Variants in SLC2A13 observed in about 807,000 individuals in gnomAD.
SLC2A13 encodes proton myo-inositol cotransporter.
Under a neutral mutation model 64.4 loss-of-function variants are expected in SLC2A13, and 32 were observed. That is an observed-to-expected ratio of 0.50 (90% CI 0.37 to 0.67). SLC2A13 has a LOEUF of 0.67. Among genes scored for constraint, SLC2A13 ranks in the 30% least tolerant of loss-of-function variants. The pLI is 0.00. For missense variants in SLC2A13, 743 were observed against 829.2 expected, an observed-to-expected ratio of 0.90 and a Z score of 1.28; for synonymous variants, 338 against 327.1, an observed-to-expected ratio of 1.03 and a Z score of -0.36.
chr12:39,804,988 G>A (rs1941921930), intron 7 of SLC2A13, among the ~76,000 whole-genome samples: 1 of 152,250 alleles, frequency 6.6e-6, no homozygotes, highest in Non-Finnish European at 1.5e-5. Flanking sequence ...GCCACAGTCT[G>A]AGGGAGAAGA....
intron 3 of SLC2A13, among the ~76,000 whole-genome samples, chr12:40,014,457 G>A (rs1476475596): frequency 6.6e-6 from 1 of 152,020 alleles, no homozygotes; most frequent in African/African-American, 2.4e-5. Flanking sequence ...TCAAAATTAA[G>A]TGTTGGACTA....
At chr12:40,060,356 A>G (rs1179047003) in intron 1 of SLC2A13, among the ~76,000 whole-genome samples, 1 of 152,184 alleles carries the variant, frequency 6.6e-6, no homozygotes, top group African/African-American at 2.4e-5. Flanking sequence ...TTGTCATGGC[A>G]AGTTGTAAAG....
intron 7 of SLC2A13, among the ~76,000 whole-genome samples, chr12:39,783,233 G>A (rs750198725): frequency 7.9e-5 from 12 of 152,168 alleles, no homozygotes; most frequent in Non-Finnish European, 1.8e-4. Context: ...GTATTCCATG[G>A]TGTATATGTG....
intron 3 of SLC2A13, among the ~76,000 whole-genome samples, chr12:39,971,368 T>C (rs28370719): frequency 6.6e-6 from 1 of 152,220 alleles, no homozygotes. Context: ...TTAAAAATAT[T>C]TCCTTTAGAT....
intron 7 of SLC2A13, among the ~76,000 whole-genome samples, chr12:39,798,662 C>T (rs1055656622): frequency 3.3e-5 from 5 of 152,156 alleles, no homozygotes; most frequent in Admixed American, 1.3e-4. Context: ...TGGAACAGCC[C>T]GGGCTAGTGC....
rs543231070 is a variant in SLC2A13, at chr12:39,939,303, T to C, written c.1034+11954A>G. 3.9e-5 allele frequency among the ~76,000 whole-genome samples: 6 copies of C among 152,228 alleles called. No homozygotes were observed. In the South Asian group the frequency reaches 1.2e-3, roughly 32 times the overall value. ...GGTATGCAATATATACACAGGGAAATGGAAAATGATTAGAAACATTCTGAT... is the reference window on the plus strand; with the variant it reads ...GGTATGCAATATATACACAGGGAAACGGAAAATGATTAGAAACATTCTGAT... On this transcript the variant is annotated intron_variant, in intron 4 of 9. Transcript: ENST00000280871.
chr12:39,856,367 A>ATTTCT (rs1943607699), intron 6 of SLC2A13, among the ~76,000 whole-genome samples: 4 of 151,972 alleles, frequency 2.6e-5, no homozygotes, highest in African/African-American at 9.7e-5. Context: ...GCTTTATTTT[A>ATTTCT]TTTATTTTAT....
At chr12:39,762,006 A>ATTCT (rs966557887) in intron 9 of SLC2A13, among the ~76,000 whole-genome samples, 37 of 152,230 alleles carry the variant, frequency 2.4e-4, no homozygotes, top group African/African-American at 7.0e-4. Context: ...TTGATTACAG[A>ATTCT]TTCTTTCTTG....
chr12:39,951,394 T>A (rs375851499), intron 3 of SLC2A13, 29 bp from the exon 4 acceptor site: 3 of 1,123,554 alleles, frequency 2.7e-6, no homozygotes, highest in East Asian at 2.6e-5. Context: ...AAAAAAAAAA[T>A]ACAACTATTA....
intron 1 of SLC2A13, among the ~76,000 whole-genome samples, chr12:40,067,715 T>G (rs1230541321): frequency 6.6e-6 from 1 of 152,132 alleles, no homozygotes; most frequent in Non-Finnish European, 1.5e-5. Flanking sequence ...AATTACTAAT[T>G]TATTACACAT....
At chr12:39,821,959 T>A (rs994153745) in intron 7 of SLC2A13, among the ~76,000 whole-genome samples, 1 of 152,166 alleles carries the variant, frequency 6.6e-6, no homozygotes, top group African/African-American at 2.4e-5. Flanking sequence ...AGGGTACATG[T>A]GCACAATGTG....
chr12:39,912,618 T>G (rs1945449613), intron 4 of SLC2A13, among the ~76,000 whole-genome samples: 1 of 152,016 alleles, frequency 6.6e-6, no homozygotes, highest in Admixed American at 6.6e-5. Context: ...TTTCTCTGAG[T>G]TGCCTAGTAA....
At position 39,895,829 on chromosome 12, in the gene SLC2A13, C is replaced by G. The variant is rs571328423; in HGVS notation, c.1035-23868G>C. On this transcript the variant is annotated intron_variant, in intron 4 of 9. Transcript: ENST00000280871. ...GTGTATACGTACACACATGTATATGCGTGTATATGCACACACATATGTATA... is the reference window on the plus strand; with the variant it reads ...GTGTATACGTACACACATGTATATGGGTGTATATGCACACACATATGTATA... Among the ~76,000 whole-genome samples the G allele has an allele frequency of 6.0e-4, 58 of 96,008 alleles. 15 individuals carry two copies. Among genetic ancestry groups the G allele is most frequent in the African/African-American group, 2.4e-3 (57 of 23,722 alleles). The allele number at this position is 96,008 out of a possible 152,430, so 63.0% of individuals were successfully genotyped here.
intron 1 of SLC2A13, among the ~76,000 whole-genome samples, chr12:40,088,967 C>T (rs993575926): frequency 6.6e-6 from 1 of 152,120 alleles, no homozygotes; most frequent in Non-Finnish European, 1.5e-5. Flanking sequence ...TCAATTATAA[C>T]TAAAGAAATA....
chr12:39,994,477 T>C (rs1947194220), intron 3 of SLC2A13, among the ~76,000 whole-genome samples: 1 of 148,974 alleles, frequency 6.7e-6, no homozygotes, highest in South Asian at 2.1e-4. Context: ...ACATAAAAGA[T>C]AGAAAAAGGG....
At chr12:40,101,838 T>C (rs958119815) in intron 1 of SLC2A13, among the ~76,000 whole-genome samples, 6 of 151,998 alleles carry the variant, frequency 3.9e-5, no homozygotes, top group Non-Finnish European at 5.9e-5. Context: ...TTTTTTTTTT[T>C]AATCCTGTCT....
At chr12:39,953,510 G>A (rs1357640711) in intron 3 of SLC2A13, among the ~76,000 whole-genome samples, 3 of 152,022 alleles carry the variant, frequency 2.0e-5, no homozygotes, top group Admixed American at 1.3e-4. Flanking sequence ...CAGAATCTAT[G>A]AGGCAGAAGA....
Position 39,759,338 on chromosome 12 carries a change from A to G in SLC2A13, c.*688T>C, listed in dbSNP as rs1940054365. The G allele has an allele frequency of 6.6e-6, 1 of 152,250 alleles. No individual in the cohort carries two copies. Among genetic ancestry groups the G allele is most frequent in the Non-Finnish European group, 1.5e-5 (1 of 67,968 alleles). The allele number at this position is 152,250 out of a possible 1,614,324, so 9.4% of individuals were successfully genotyped here. ...GTATGCCTTATCACTGATGCAAAAAAAAGAAGTATGAAAACAACCCGACAG... is the reference window on the plus strand; with the variant it reads ...GTATGCCTTATCACTGATGCAAAAAGAAGAAGTATGAAAACAACCCGACAG... On this transcript the variant is annotated 3_prime_UTR_variant, in exon 10 of 10. Coordinates refer to ENST00000280871, the MANE Select transcript of SLC2A13 (RefSeq NM_052885.4).
chr12:39,987,541 C>T (rs1027070575), intron 3 of SLC2A13, among the ~76,000 whole-genome samples: 17 of 152,164 alleles, frequency 1.1e-4, no homozygotes, highest in Non-Finnish European at 2.5e-4. Flanking sequence ...CTACTGCATC[C>T]TTTGAGATAT....
Sources: allele counts gnomAD v4.1 joint callset (sites outside exome capture counted in the v4.1 genomes callset), GRCh38; gene constraint gnomAD v4.1.1; transcripts MANE v1.5; gene names NCBI Gene and HGNC (gene_info 2026-07-23, HGNC 2026-07-21).